Variants in UBE2H observed in about 807,000 individuals in gnomAD.
UBE2H encodes the protein ubiquitin-conjugating enzyme E2 H.
Under a neutral mutation model 29.0 loss-of-function variants are expected in UBE2H, and 3 were observed. The observed-to-expected ratio is 0.10, with a 90% CI of 0.05 to 0.27. The LOEUF (loss-of-function observed/expected upper bound fraction) is 0.27. Ranked by LOEUF, UBE2H falls within the 10% of genes least tolerant of loss-of-function variation. UBE2H has a pLI of 1.00. For missense variants in UBE2H, 68 were observed against 228.2 expected (o/e 0.30, Z 4.52); for synonymous variants, 69 against 82.9 (o/e 0.83, Z 0.91).
chr7:129,848,534 T>C (rs1466908759), intron 5 of UBE2H, among the ~76,000 whole-genome samples: 3 of 152,216 alleles, frequency 2.0e-5, no homozygotes, highest in African/African-American at 7.2e-5. Flanking sequence ...CTAGAACTGA[T>C]GATTCCCTCT....
chr7:129,928,897 A>G (rs1184260456), intron 1 of UBE2H, among the ~76,000 whole-genome samples: 13 of 152,240 alleles, frequency 8.5e-5, no homozygotes, highest in African/African-American at 3.1e-4. Flanking sequence ...CTTTGTTTTA[A>G]AAGACTTGAA....
chr7:129,854,731 C>T (rs1490912725), intron 5 of UBE2H, among the ~76,000 whole-genome samples: 1 of 152,144 alleles, frequency 6.6e-6, no homozygotes, highest in Non-Finnish European at 1.5e-5. Context: ...AAGAGAAATG[C>T]AAACATGTCT....
chr7:129,835,121 A>C, intron 6 of UBE2H, 60 bp from the exon 7 acceptor site: 3 of 1,606,168 alleles, frequency 1.9e-6, no homozygotes, highest in Non-Finnish European at 2.6e-6. Flanking sequence ...TGCTTTGGCG[A>C]CCCCAAAAAG....
chr7:129,864,134 T>A (rs542769618), intron 3 of UBE2H, among the ~76,000 whole-genome samples: 1 of 152,198 alleles, frequency 6.6e-6, no homozygotes, highest in African/African-American at 2.4e-5. Flanking sequence ...AGCAAATACA[T>A]GGAAAAAAGC....
chr7:129,902,739 C>G (rs1240057546), intron 1 of UBE2H, among the ~76,000 whole-genome samples: 1 of 152,156 alleles, frequency 6.6e-6, no homozygotes, highest in African/African-American at 2.4e-5. Context: ...CTGAGAAGCA[C>G]CAGCCTAAGG....
intron 1 of UBE2H, among the ~76,000 whole-genome samples, chr7:129,924,616 TCACACACACACACA>T (rs147228151): frequency 7.6e-5 from 11 of 143,924 alleles, no homozygotes; most frequent in African/African-American, 1.8e-4. Context: ...CCTTTTACAT[TCACACACACACACA>T]CACACACACA....
intron 3 of UBE2H, among the ~76,000 whole-genome samples, chr7:129,875,787 A>G (rs1006433916): frequency 6.6e-6 from 1 of 152,136 alleles, no homozygotes; most frequent in African/African-American, 2.4e-5. Context: ...GAAAGCTTTC[A>G]CTTAACAGCT....
chr7:129,906,456 C>G (rs1806819329), intron 1 of UBE2H, among the ~76,000 whole-genome samples: 1 of 152,118 alleles, frequency 6.6e-6, no homozygotes, highest in South Asian at 2.1e-4. Flanking sequence ...CCACCCACAT[C>G]AGCCTCCCAA....
At chr7:129,937,379 G>A (rs1199890721) in intron 1 of UBE2H, among the ~76,000 whole-genome samples, 1 of 152,036 alleles carries the variant, frequency 6.6e-6, no homozygotes, top group Non-Finnish European at 1.5e-5. Context: ...AAAATGAAAT[G>A]AAATTACAGT....
intron 3 of UBE2H, among the ~76,000 whole-genome samples, chr7:129,867,718 G>GAAAAAAAAAAAAAAAAAAAAAAAAA (rs1308277089): frequency 7.6e-4 from 15 of 19,616 alleles, no homozygotes; most frequent in Admixed American, 1.4e-3. Flanking sequence ...AAAAAAAAAA[G>GAAAAAAAAAAAAAAAAAAAAAAAAA]AAAACCAAAA....
At chr7:129,838,531 T>G (rs1405461627) in intron 6 of UBE2H, among the ~76,000 whole-genome samples, 1 of 152,212 alleles carries the variant, frequency 6.6e-6, no homozygotes, top group Non-Finnish European at 1.5e-5. Flanking sequence ...AAACTTTGAA[T>G]TCCTTTGCTT....
At chr7:129,889,393 A>C (rs572988159) in intron 1 of UBE2H, among the ~76,000 whole-genome samples, 1 of 152,368 alleles carries the variant, frequency 6.6e-6, no homozygotes, top group South Asian at 2.1e-4. Flanking sequence ...GAAAGCTCCA[A>C]CGTTGCTACA....
chr7:129,862,624 G>A (rs1208210200), intron 3 of UBE2H, among the ~76,000 whole-genome samples: 6 of 152,150 alleles, frequency 3.9e-5, no homozygotes, highest in African/African-American at 1.2e-4. Context: ...GTACCAAGAG[G>A]AGAGGAGAAG....
intron 5 of UBE2H, among the ~76,000 whole-genome samples, chr7:129,846,380 AATAATAATT>A (rs1398171551): frequency 3.9e-4 from 33 of 83,990 alleles, no homozygotes; most frequent in African/African-American, 1.3e-3. Context: ...TAATAATAAT[AATAATAATT>A]GGGCATGGTG....
intron 1 of UBE2H, among the ~76,000 whole-genome samples, chr7:129,909,666 G>A (rs1432975813): frequency 2.0e-5 from 3 of 152,054 alleles, no homozygotes; most frequent in African/African-American, 7.2e-5. Flanking sequence ...GACCTGCCTA[G>A]ACAACATAAT....
chr7:129,835,765 T>C (rs1287128968), intron 6 of UBE2H, among the ~76,000 whole-genome samples: 3 of 152,146 alleles, frequency 2.0e-5, no homozygotes, highest in African/African-American at 7.2e-5. Flanking sequence ...TCTAAGTGCA[T>C]ACTGTTTTCA....
chr7:129,945,824 T>C (rs1400297199), intron 1 of UBE2H, among the ~76,000 whole-genome samples: 1 of 151,830 alleles, frequency 6.6e-6, no homozygotes, highest in Non-Finnish European at 1.5e-5. Flanking sequence ...CACCGCAACC[T>C]CCACCTCCCA....
At chr7:129,917,016 G>A (rs1807057681) in intron 1 of UBE2H, among the ~76,000 whole-genome samples, 4 of 139,022 alleles carry the variant, frequency 2.9e-5, no homozygotes, top group Admixed American at 2.3e-4. Context: ...CAGCCTGGGC[G>A]ACACAGCAAG....
intron 1 of UBE2H, among the ~76,000 whole-genome samples, chr7:129,938,371 C>G: frequency 7.7e-6 from 1 of 129,134 alleles, no homozygotes; most frequent in Non-Finnish European, 1.6e-5. Context: ...GATGGCACCA[C>G]TGCACTCCAG....
Sources: allele counts gnomAD v4.1 joint callset (sites outside exome capture counted in the v4.1 genomes callset), GRCh38; gene constraint gnomAD v4.1.1; transcripts MANE v1.5; gene names NCBI Gene and HGNC (gene_info 2026-07-23, HGNC 2026-07-21).